Variants in OTOG observed in about 807,000 individuals in gnomAD.
The protein encoded by OTOG is otogelin.
A neutral mutation model predicts 313.8 loss-of-function variants in OTOG; 296 were observed. That is an observed-to-expected ratio of 0.94 (90% CI 0.86 to 1.04). The LOEUF (loss-of-function observed/expected upper bound fraction) is 1.04. Ranked by LOEUF, OTOG falls within the 50% of genes least tolerant of loss-of-function variation. The probability of loss-of-function intolerance (pLI) is 0.00; values close to 1 mark genes in which losing one functional copy is unlikely to be tolerated. For missense variants in OTOG, 3,948 were observed against 3,840.1 expected (o/e 1.03, Z -0.74); for synonymous variants, 1,533 against 1,554.9 (o/e 0.99, Z 0.33).
At chr11:17,563,852 TG>T (rs1248065058) in intron 15 of OTOG, among the ~76,000 whole-genome samples, 30 of 146,406 alleles carry the variant, frequency 2.0e-4, no homozygotes, top group African/African-American at 7.7e-4. Flanking sequence ...GGCTAGTTTT[TG>T]GTTTTTTTTT....
intron 28 of OTOG, among the ~76,000 whole-genome samples, chr11:17,595,411 A>C (rs1241182373): frequency 6.6e-6 from 1 of 152,222 alleles, no homozygotes; most frequent in Non-Finnish European, 1.5e-5. Flanking sequence ...CTGCTATATA[A>C]AAATTTTATG....
intron 23 of OTOG, among the ~76,000 whole-genome samples, chr11:17,582,005 T>A (rs1200149065): frequency 2.0e-5 from 3 of 152,202 alleles, no homozygotes; most frequent in African/African-American, 7.2e-5. Flanking sequence ...ATCAGTAGTG[T>A]GTTCCTTTTT....
chr11:17,564,419 TC>T (rs935075946), intron 15 of OTOG, among the ~76,000 whole-genome samples: 1 of 152,164 alleles, frequency 6.6e-6, no homozygotes, highest in African/African-American at 2.4e-5. Flanking sequence ...CTAAAAATAT[TC>T]ATAGAAATCA....
At position 17,611,358 on chromosome 11, in the gene OTOG, A is replaced by C. The variant is rs1853543339; in HGVS notation, c.6058A>C (p.Ile2020Leu). 1 of 1,548,872 alleles carries C rather than the reference A, an allele frequency of 6.5e-7. No individual in the cohort carries two copies. The highest frequency in any genetic ancestry group is 8.7e-7 in the Non-Finnish European group (1 of 1,145,796). Residue 2020 changes from isoleucine (I) to leucine (L), a missense_variant, in exon 36 of 56, where the codon ATC becomes CTC. By Grantham distance (5) the Ile-to-Leu change is conservative. Coordinates refer to ENST00000399397, the MANE Select transcript of OTOG (RefSeq NM_001292063.2). Reference sequence around the variant, plus strand: ...TGGGCGCTCAGCCCCAGCCCTGAGCATCGTAGAGGGTTTGGCGGAGGCTTT... The same window carrying C: ...TGGGCGCTCAGCCCCAGCCCTGAGCCTCGTAGAGGGTTTGGCGGAGGCTTT... ...PSGRSAPALS[I>L]VEGLAEALAT...
Position 17,576,615 on chromosome 11 carries a change from C to T in OTOG, c.2546C>T (p.Pro849Leu), listed in dbSNP as rs1447677589. Residue 849 changes from proline to leucine, a missense_variant, in exon 21 of 56, where the codon CCA (proline) becomes CTA (leucine). Transcript: ENST00000399397. Reference protein sequence around the residue: ...VDYPPGDSDIPSLGHCHCKDG... With the variant: ...VDYPPGDSDILSLGHCHCKDG... Reference sequence around the variant, plus strand: ...TATCCCCCCGGAGACAGTGACATCCCATCCCTGGGCCACTGGTGAGCTCCG... The same window carrying T: ...TATCCCCCCGGAGACAGTGACATCCTATCCCTGGGCCACTGGTGAGCTCCG... 1 of 1,550,246 alleles carries T rather than the reference C, an allele frequency of 6.5e-7. No homozygotes were observed. Among genetic ancestry groups the T allele is most frequent in the African/African-American group, 1.4e-5 (1 of 73,164 alleles).
intron 31 of OTOG, 50 bp downstream of exon 31, chr11:17,599,747 C>G (rs775265901): frequency 1.6e-5 from 25 of 1,537,710 alleles, no homozygotes; most frequent in Non-Finnish European, 2.6e-6. Context: ...GCACTGCCAG[C>G]CCTGTCCTGA....
chr11:17,559,180 T>TG lies in OTOG; in HGVS notation c.1213+23dup. The TG allele has an allele frequency of 6.6e-7, 1 of 1,518,868 alleles. No homozygotes were observed. Among genetic ancestry groups the TG allele is most frequent in the South Asian group, 1.2e-5 (1 of 82,752 alleles). The allele number at this position is 1,518,868 out of a possible 1,614,324, so 94.1% of individuals were successfully genotyped here. On this transcript the variant is annotated intron_variant, in intron 11 of 55. Coordinates refer to ENST00000399397, the MANE Select transcript of OTOG (RefSeq NM_001292063.2). ...CAATGCAGTAGGTGCAGCCCAGTAGTGGGGCAGGGAGGCCTTCAGGCTGTG... is the reference window on the plus strand; with the variant it reads ...CAATGCAGTAGGTGCAGCCCAGTAGTGGGGGCAGGGAGGCCTTCAGGCTGTG...
intron 20 of OTOG, among the ~76,000 whole-genome samples, chr11:17,576,261 T>C (rs541048913): frequency 6.6e-6 from 1 of 152,318 alleles, no homozygotes; most frequent in Admixed American, 6.5e-5. Context: ...CTGTTCTTAC[T>C]GCCCCTCCCT....
chr11:17,625,654 T>G (rs1174520764), intron 39 of OTOG, among the ~76,000 whole-genome samples: 2 of 152,182 alleles, frequency 1.3e-5, no homozygotes, highest in African/African-American at 4.8e-5. Context: ...ATTATTAGAT[T>G]TTTTTCCTAT....
At chr11:17,550,825 C>A (rs190490577) in intron 3 of OTOG, among the ~76,000 whole-genome samples, 64 of 152,274 alleles carry the variant, frequency 4.2e-4, no homozygotes, top group African/African-American at 1.5e-3. Flanking sequence ...AACCCAGGAA[C>A]CAGGGGCCAA....
chr11:17,581,336 A>G (rs576580431), intron 23 of OTOG, among the ~76,000 whole-genome samples: 1 of 152,278 alleles, frequency 6.6e-6, no homozygotes, highest in East Asian at 1.9e-4. Context: ...GAGAAACCAA[A>G]TCAGAGACTT....
Position 17,634,851 on chromosome 11 carries a change from C to T in OTOG, c.7488C>T (p.Asn2496=). The part of the protein sequence containing the change: ...PCCLGTVCVC[N]QTLCEGLAPT... ...TGTGGTCCCCGGGGCCAGTGTGTAA[C>T]CAGACTCTGTGTGAGGGTCTCGCCC... is the stretch of plus-strand genomic sequence containing the variant. Residue 2496 remains asparagine, a synonymous_variant, in exon 45 of 56, where the codon AAC becomes AAT. Transcript: ENST00000399397. 2 of 1,549,518 alleles carry T rather than the reference C, an allele frequency of 1.3e-6. No homozygotes were observed. Among genetic ancestry groups the T allele is most frequent in the Non-Finnish European group, 1.7e-6 (2 of 1,146,754 alleles).
At chr11:17,574,196 C>A (rs1852466030) in intron 19 of OTOG, among the ~76,000 whole-genome samples, 1 of 152,094 alleles carries the variant, frequency 6.6e-6, no homozygotes, top group South Asian at 2.1e-4. Flanking sequence ...GGATGCTGGC[C>A]ACACAAGGAG....
intron 29 of OTOG, 57 bp downstream of exon 29, chr11:17,596,211 C>T (rs1853102365): frequency 1.6e-6 from 2 of 1,270,410 alleles, no homozygotes; most frequent in Non-Finnish European, 2.2e-6. Context: ...TCCTGGGATC[C>T]CTTCAGCTCT....
intron 15 of OTOG, 74 bp downstream of exon 15, chr11:17,561,881 T>C: frequency 6.6e-7 from 1 of 1,523,312 alleles, no homozygotes; most frequent in Non-Finnish European, 8.8e-7. Context: ...GACTGGGACT[T>C]AGGACAGGGC....
At chr11:17,643,297 C>T (rs143176070) in intron 53 of OTOG, among the ~76,000 whole-genome samples, 164 bp from the exon 54 acceptor site, 10 of 152,364 alleles carry the variant, frequency 6.6e-5, no homozygotes, top group South Asian at 2.1e-4. Flanking sequence ...GCTTAGCCCC[C>T]GTGGCTCTCC....
intron 6 of OTOG, among the ~76,000 whole-genome samples, chr11:17,554,558 G>T (rs1385898072): frequency 6.6e-6 from 1 of 152,238 alleles, no homozygotes; most frequent in Non-Finnish European, 1.5e-5. Context: ...TCAGTACTGA[G>T]TTAGGGTCAA....
chr11:17,631,906 G>A lies in OTOG; in HGVS notation c.6917G>A (p.Ser2306Asn), dbSNP rs1308805710. 6.5e-7 allele frequency: 1 copy of A among 1,549,998 alleles called. No homozygotes were observed. The change falls in exon 41 of 56, where the codon AGT becomes AAT. Residue 2306 changes from serine (S) to asparagine (N), a missense_variant. Ser to Asn is a conservative substitution (Grantham distance 46, BLOSUM62 1). Transcript: ENST00000399397. The part of the protein sequence containing the change: ...CLRMVSNRTF[S>N]ACHRFVPPES... The stretch of plus-strand genomic sequence containing the variant: ...CGCATGGTGTCCAACCGCACCTTCA[G>A]TGCCTGCCACCGCTTTGTATGTGCC...
chr11:17,588,771 T>C (rs1224164855), intron 24 of OTOG, among the ~76,000 whole-genome samples: 1 of 152,098 alleles, frequency 6.6e-6, no homozygotes, highest in Non-Finnish European at 1.5e-5. Flanking sequence ...CCAAAGATCT[T>C]TCTCCACCCT....
Sources: gnomAD v4.1 joint callset for allele counts (sites outside exome capture counted in the v4.1 genomes callset) on GRCh38, gnomAD v4.1.1 for gene constraint, MANE v1.5 for transcripts, NCBI Gene and HGNC (gene_info 2026-07-23, HGNC 2026-07-21) for gene names.